Variants in KDM5C observed in about 807,000 individuals in gnomAD.
KDM5C encodes the protein lysine demethylase 5C.
Under a neutral mutation model 110.6 loss-of-function variants are expected in KDM5C, and 16 were observed. The observed-to-expected ratio is 0.14, with a 90% CI of 0.10 to 0.22. The LOEUF (loss-of-function observed/expected upper bound fraction) is 0.22, where lower values mean the gene tolerates loss of function less well. Among genes scored for constraint, KDM5C ranks in the 10% least tolerant of loss-of-function variants. The pLI is 1.00. For missense variants in KDM5C, 681 were observed against 1,300.9 expected, an observed-to-expected ratio of 0.52 and a Z score of 7.33; for synonymous variants, 511 against 520.4, an observed-to-expected ratio of 0.98 and a Z score of 0.24.
chrX:53,221,805 A>C, intron 1 of KDM5C: 1 of 871,585 alleles, frequency 1.1e-6, no homozygotes, highest in Non-Finnish European at 1.5e-6. Flanking sequence ...TGTGGTGGCA[A>C]AGAATGGGAG....
chrX:53,196,024 G>A lies in KDM5C; in HGVS notation c.3012C>T (p.Ala1004=). Residue 1004 remains alanine, a synonymous_variant, in exon 20 of 26, where the codon GCC becomes GCT. Coordinates refer to ENST00000375401, the MANE Select transcript of KDM5C (RefSeq NM_004187.5). Reference sequence around the variant, plus strand: ...GGATGTTTTCCGCTTCACGGATTATGGCCTCAAGTGTGGCTGGTGGATGCT... The same window carrying A: ...GGATGTTTTCCGCTTCACGGATTATAGCCTCAAGTGTGGCTGGTGGATGCT... The part of the protein sequence containing the change: ...RQKHPPATLE[A]IIREAENIPV... 8.3e-7 allele frequency: 1 copy of A among 1,212,022 alleles called. No individual in the cohort carries two copies. The highest frequency in any genetic ancestry group is 1.7e-5 in the African/African-American group (1 of 57,991).
rs782391790 is a variant in KDM5C, at chrX:53,218,258, A to G, written c.351+18T>C. The G allele has an allele frequency of 8.3e-7, 1 of 1,211,498 alleles. No individual in the cohort carries two copies. Among genetic ancestry groups the G allele is most frequent in the Non-Finnish European group, 1.1e-6 (1 of 895,317 alleles). On this transcript the variant is annotated intron_variant, in intron 3 of 25. Coordinates refer to ENST00000375401, the MANE Select transcript of KDM5C (RefSeq NM_004187.5). ...TGGGGTTTGGTGGGAGGGGTGCTTG[A>G]CAAAAACCTGTTCTTACTTTGCTGA...
rs2146813058 is a variant in KDM5C at position 53,193,253 on chromosome X, C to T, written c.4397G>A (p.Gly1466Asp). ...ERRRRRKVDRGGEGDDPAREE... is the reference protein window; with the variant it reads ...ERRRRRKVDRDGEGDDPAREE... ...TCGGGCTGGGTCATCGCCCTCCCCA[C>T]CCCGATCCACCTTCCGCCGCCGCCG... The change falls in exon 26 of 26, where the codon GGT (glycine) becomes GAT (aspartate). Residue 1466 changes from glycine (G) to aspartate (D), a missense_variant. Around this residue, in one of 14 missense-constraint regions of KDM5C, gnomAD observed 115 missense variants for 120.9 expected, o/e 0.95. Coordinates refer to ENST00000375401, the MANE Select transcript of KDM5C (RefSeq NM_004187.5). The T allele has an allele frequency of 8.3e-7, 1 of 1,209,418 alleles. No individual in the cohort carries two copies. The highest frequency in any genetic ancestry group is 1.7e-5 in the African/African-American group (1 of 57,703).
At chrX:53,182,085 GTTTT>G (rs781971592) in intron 25 of KDM5C, among the ~76,000 whole-genome samples, 5 of 105,011 alleles carry the variant, frequency 4.8e-5, no homozygotes, top group Non-Finnish European at 7.7e-5. Flanking sequence ...ACCCTTTTTT[GTTTT>G]TTTTTTTTTT....
chrX:53,216,358 G>A (rs782515848), intron 5 of KDM5C, among the ~76,000 whole-genome samples, 161 bp from the exon 6 acceptor site: 2 of 112,126 alleles, frequency 1.8e-5, no homozygotes, highest in Non-Finnish European at 3.8e-5. Flanking sequence ...GGAGACTGAG[G>A]GTAGGTGAGC....
chrX:53,182,587 G>A (rs1934097768), intron 25 of KDM5C, among the ~76,000 whole-genome samples: 2 of 111,258 alleles, frequency 1.8e-5, no homozygotes, highest in Admixed American at 9.5e-5. Flanking sequence ...GGATGGCCTC[G>A]AACTCCTGAC....
At chrX:53,206,345 G>A (rs1297528355) in intron 12 of KDM5C, among the ~76,000 whole-genome samples, 1 of 111,562 alleles carries the variant, frequency 9.0e-6, no homozygotes, top group East Asian at 2.8e-4. Context: ...GGGTATAAGG[G>A]ATCTTTTTGG....
chrX:53,224,043 G>A (rs1479169619), intron 1 of KDM5C, among the ~76,000 whole-genome samples: 1 of 112,314 alleles, frequency 8.9e-6, no homozygotes, highest in African/African-American at 3.2e-5. Context: ...CAGCAGGCCA[G>A]GATATTATCA....
chrX:53,198,100 C>T (rs1373246132), intron 17 of KDM5C, among the ~76,000 whole-genome samples: 1 of 111,867 alleles, frequency 8.9e-6, no homozygotes, highest in Non-Finnish European at 1.9e-5. Context: ...AAGAGCTACA[C>T]TTTGCAATCC....
At chrX:53,193,974 C>CCAGCAG (rs1174754398) in intron 23 of KDM5C, 123 bp from the exon 24 acceptor site, 1 of 948,653 alleles carries the variant, frequency 1.1e-6, no homozygotes, top group Non-Finnish European at 1.5e-6. Flanking sequence ...ACACAGGCTG[C>CCAGCAG]CAGCAGGGAG....
Position 53,193,294 on chromosome X carries a change from G to A in KDM5C, c.4356C>T (p.Gly1452=), listed in dbSNP as rs2146813444. 8.3e-7 allele frequency: 1 copy of A among 1,209,752 alleles called. No homozygotes were observed. The part of the protein sequence containing the change: ...KAERHGSRAR[G]RALERRRRRK... ...GCCGCCGCCGCCTCTCCAGGGCCCG[G>A]CCCCGAGCCCGACTCCCGTGACGCT... Residue 1452 remains glycine, a synonymous_variant, in exon 26 of 26, where the codon GGC becomes GGT. Transcript: ENST00000375401.
chrX:53,209,216 T>A (rs1224334345), intron 12 of KDM5C, among the ~76,000 whole-genome samples: 3 of 110,735 alleles, frequency 2.7e-5, no homozygotes, highest in African/African-American at 6.6e-5. Context: ...TCAGACCCCA[T>A]GTCTACTTGT....
chrX:53,222,570 A>C (rs1556855206), intron 1 of KDM5C, among the ~76,000 whole-genome samples: 1 of 111,377 alleles, frequency 9.0e-6, no homozygotes, highest in East Asian at 2.8e-4. Context: ...CCTGACAGGA[A>C]ATGGCAGCCC....
At chrX:53,205,770 C>T (rs1252931594) in intron 12 of KDM5C, among the ~76,000 whole-genome samples, 1 of 112,491 alleles carries the variant, frequency 8.9e-6, no homozygotes, top group Non-Finnish European at 1.9e-5. Context: ...GGGTTATTTG[C>T]CTTCTGAGTG....
At chrX:53,188,130 C>G (rs1401446862), downstream of KDM5C, among the ~76,000 whole-genome samples, 1 of 111,646 alleles carries the variant, frequency 9.0e-6, no homozygotes, top group Non-Finnish European at 1.9e-5. Context: ...CAAACAGCCT[C>G]TTTCATATAT....
chrX:53,176,808 C>A (rs932189842), intron 25 of KDM5C, among the ~76,000 whole-genome samples: 1 of 111,863 alleles, frequency 8.9e-6, no homozygotes. Flanking sequence ...ACATACTGTA[C>A]GACTCTATGA....
At chrX:53,189,731 C>T (rs781934233), downstream of KDM5C, among the ~76,000 whole-genome samples, 1 of 112,909 alleles carries the variant, frequency 8.9e-6, no homozygotes, top group East Asian at 2.8e-4. Context: ...CTACCTCCTT[C>T]TAAGCTAGAT....
At chrX:53,195,431 C>A in intron 20 of KDM5C, 21 bp from the exon 21 acceptor site, 3 of 1,180,869 alleles carry the variant, frequency 2.5e-6, no homozygotes, top group Non-Finnish European at 3.4e-6. Context: ...GGGCGAGAGA[C>A]AGCTCAGTTC....
chrX:53,188,309 C>T (rs1175990433), downstream of KDM5C, among the ~76,000 whole-genome samples: 2 of 110,009 alleles, frequency 1.8e-5, no homozygotes, highest in African/African-American at 3.3e-5. Context: ...AATGACCCCC[C>T]GCCTCCTGGT....
Sources: gnomAD v4.1 joint callset for allele counts (sites outside exome capture counted in the v4.1 genomes callset) on GRCh38, gnomAD v4.1.1 for gene constraint, gnomAD v4.1.1 regional missense constraint, MANE v1.5 for transcripts, NCBI Gene and HGNC (gene_info 2026-07-23, HGNC 2026-07-21) for gene names.